The following BAIAP2L2 variants were observed in gnomAD, a reference collection of about 807,000 sequenced individuals.
The protein encoded by BAIAP2L2 is BAR/IMD domain-containing adapter protein 2-like 2.
A neutral mutation model predicts 60.4 loss-of-function variants in BAIAP2L2; 65 were observed. The observed-to-expected ratio is 1.08, with a 90% confidence interval of 0.88 to 1.32. The LOEUF (loss-of-function observed/expected upper bound fraction) is 1.32. Among genes scored for constraint, BAIAP2L2 ranks in the 40% most tolerant of loss-of-function variants. BAIAP2L2 has a pLI of 0.00. For missense variants in BAIAP2L2, 836 were observed against 741.2 expected, an observed-to-expected ratio of 1.13 and a Z score of -1.48; for synonymous variants, 344 against 301.7, an observed-to-expected ratio of 1.14 and a Z score of -1.45.
At chr22:38,086,675 G>T (rs1268510561) in intron 11 of BAIAP2L2, among the ~76,000 whole-genome samples, 1 of 152,026 alleles carries the variant, frequency 6.6e-6, no homozygotes, top group African/African-American at 2.4e-5. Context: ...TTCTCCAGGG[G>T]CTGAAGGGGG....
intron 7 of BAIAP2L2, chr22:38,093,887 G>A (rs1455093131): frequency 4.4e-6 from 2 of 456,508 alleles, no homozygotes; most frequent in South Asian, 3.1e-5. Context: ...ATGAAGACTC[G>A]TACATGGATG....
At chr22:38,087,576 C>T (rs1026316354) in intron 10 of BAIAP2L2, among the ~76,000 whole-genome samples, 3 of 152,106 alleles carry the variant, frequency 2.0e-5, no homozygotes, top group African/African-American at 4.8e-5. Context: ...AGCACACCGT[C>T]CTCTGCTGTG....
In BAIAP2L2 at chr22:38,110,122, A is replaced by AGG. The variant is rs2086798399; in HGVS notation, c.51+352_51+353insCC. On this transcript the variant is annotated intron_variant, in intron 1 of 13. Transcript: ENST00000381669. ...GACAGAGAGAGGGAGAGAGAGAGGG[A>AGG]GAGAGAGAGAGAGAGAGAGAGAGAG... Among the ~76,000 whole-genome samples, 2 of 75,060 alleles carry AGG rather than the reference A, an allele frequency of 2.7e-5. 1 individual carries two copies. The highest frequency in any genetic ancestry group is 2.6e-4 in the Admixed American group (2 of 7,810). The allele number at this position is 75,060 out of a possible 152,430, so 49.2% of individuals were successfully genotyped here.
chr22:38,085,831 G>T, intron 12 of BAIAP2L2, 99 bp from the exon 13 acceptor site: 1 of 1,187,554 alleles, frequency 8.4e-7, no homozygotes. Flanking sequence ...CAGAGGACTG[G>T]GCCAGAGAGC....
At position 38,085,342 on chromosome 22, in the gene BAIAP2L2, A is replaced by G. The variant is rs2086025845; in HGVS notation, c.1548T>C (p.Arg516=). 2 of 1,613,900 alleles carry G rather than the reference A, an allele frequency of 1.2e-6. No individual in the cohort carries two copies. The highest frequency in any genetic ancestry group is 1.7e-6 in the Non-Finnish European group (2 of 1,179,960). ...CTGAGCGGTCATTGGTGATGGTGGGACGAAGCTTGACAGTGGCAAAAGGAT... is the reference window on the plus strand; with the variant it reads ...CTGAGCGGTCATTGGTGATGGTGGGGCGAAGCTTGACAGTGGCAAAAGGAT... ...GTNPFATVKL[R]PTITNDRSAP... is the part of the protein sequence containing the mutation. Residue 516 remains arginine (R), a synonymous_variant, in exon 14 of 14, where the codon CGT becomes CGC. Coordinates refer to ENST00000381669, the MANE Select transcript of BAIAP2L2 (RefSeq NM_025045.6).
At chr22:38,088,023 G>A (rs1308188579) in intron 10 of BAIAP2L2, among the ~76,000 whole-genome samples, 1 of 152,154 alleles carries the variant, frequency 6.6e-6, no homozygotes, top group Non-Finnish European at 1.5e-5. Flanking sequence ...TCCGTGGGCT[G>A]GTGTGGGCAG....
intron 7 of BAIAP2L2, among the ~76,000 whole-genome samples, chr22:38,095,794 T>C (rs1422329470): frequency 2.0e-5 from 3 of 152,052 alleles, no homozygotes; most frequent in African/African-American, 7.3e-5. Flanking sequence ...TATGTGATTA[T>C]GAAAGTCACA....
At chr22:38,087,573 C>A (rs1261658655) in intron 10 of BAIAP2L2, among the ~76,000 whole-genome samples, 1 of 152,058 alleles carries the variant, frequency 6.6e-6, no homozygotes, top group Non-Finnish European at 1.5e-5. Context: ...TGCAGCACAC[C>A]GTCCTCTGCT....
chr22:38,101,114 T>A (rs1299737027), intron 4 of BAIAP2L2, among the ~76,000 whole-genome samples: 2 of 152,160 alleles, frequency 1.3e-5, no homozygotes, highest in Non-Finnish European at 2.9e-5. Context: ...TCTTATTGTA[T>A]GTAAACTTTA....
rs762188125 is a variant in BAIAP2L2, at chr22:38,097,128, A to T, written c.516T>A (p.Ser172Arg). The stretch of plus-strand genomic sequence containing the variant: ...TCTCTTCCAATTCAGCCGCCCGCTG[A>T]CTCTCAGACACGAAGGCCTGCATCT... ...HAQMQAFVSE[S>R]QRAAELEEKR... The change falls in exon 7 of 14, where the codon AGT becomes AGA. Residue 172 changes from serine to arginine, a missense_variant. Coordinates refer to ENST00000381669, the MANE Select transcript of BAIAP2L2 (RefSeq NM_025045.6). The T allele has an allele frequency of 9.9e-6, 16 of 1,613,454 alleles. No homozygotes were observed. Among genetic ancestry groups the T allele is most frequent in the Middle Eastern group, 3.3e-4 (2 of 6,084 alleles).
chr22:38,097,445 G>C (rs1482766673), intron 6 of BAIAP2L2, among the ~76,000 whole-genome samples: 1 of 152,242 alleles, frequency 6.6e-6, no homozygotes, highest in Non-Finnish European at 1.5e-5. Flanking sequence ...CTGGCACCCA[G>C]CACAAGCCCA....
chr22:38,095,707 ATT>A (rs1295428799), intron 7 of BAIAP2L2, among the ~76,000 whole-genome samples: 6 of 152,250 alleles, frequency 3.9e-5, no homozygotes, highest in Non-Finnish European at 8.8e-5. Flanking sequence ...CATCTTATGA[ATT>A]GGCGGAGCGA....
chr22:38,099,218 A>C (rs1160850241), intron 4 of BAIAP2L2, among the ~76,000 whole-genome samples: 1 of 152,234 alleles, frequency 6.6e-6, no homozygotes, highest in Admixed American at 6.5e-5. Context: ...TCTGGGCCTC[A>C]GTTGCCCCAT....
At chr22:38,092,752 C>T (rs2086335589) in intron 7 of BAIAP2L2, among the ~76,000 whole-genome samples, 1 of 142,050 alleles carries the variant, frequency 7.0e-6, no homozygotes, top group African/African-American at 2.7e-5. Flanking sequence ...AAATCTGACC[C>T]CCCAGTGTTG....
intron 4 of BAIAP2L2, 25 bp from the exon 5 acceptor site, chr22:38,098,507 G>A (rs781556267): frequency 1.3e-6 from 2 of 1,599,142 alleles, no homozygotes; most frequent in Admixed American, 3.3e-5. Context: ...GGGTGAGGGT[G>A]ATCAAGGCCC....
chr22:38,088,616 C>T (rs1299448617), intron 10 of BAIAP2L2, 132 bp downstream of exon 10: 29 of 876,092 alleles, frequency 3.3e-5, no homozygotes, highest in Non-Finnish European at 4.7e-5. Context: ...GTGCGGGGGT[C>T]GGGAGGAGAG....
intron 11 of BAIAP2L2, 53 bp downstream of exon 11, chr22:38,087,069 AGT>A (rs1355315212): frequency 1.1e-5 from 16 of 1,468,880 alleles, no homozygotes; most frequent in Non-Finnish European, 1.8e-6. Flanking sequence ...TCCGCTGGGC[AGT>A]GACACCCTTG....
chr22:38,086,485 T>G, intron 11 of BAIAP2L2, 36 bp from the exon 12 acceptor site: 22 of 1,448,038 alleles, frequency 1.5e-5, no homozygotes, highest in East Asian at 2.5e-5. Context: ...GGAAAGGGGT[T>G]GGGGCCTGTC....
At chr22:38,098,580 G>A in intron 4 of BAIAP2L2, 98 bp from the exon 5 acceptor site, 1 of 922,062 alleles carries the variant, frequency 1.1e-6, no homozygotes, top group Non-Finnish European at 1.7e-6. Context: ...TGCCCATCGT[G>A]CTCCTAATAT....
Sources: gnomAD v4.1 joint callset for allele counts (sites outside exome capture counted in the v4.1 genomes callset) on GRCh38, gnomAD v4.1.1 for gene constraint, MANE v1.5 for transcripts, NCBI Gene and HGNC (gene_info 2026-07-23, HGNC 2026-07-21) for gene names.